ESR1: variants seen among roughly 807,000 people sequenced by gnomAD.
ESR1 encodes the protein estrogen receptor.
Under a neutral mutation model 52.7 loss-of-function variants are expected in ESR1, and 12 were observed. The ratio of observed to expected loss-of-function variants is 0.23; its 90% confidence interval spans 0.15 to 0.37. ESR1 has a LOEUF of 0.37. ESR1 is among the 10% of genes least tolerant of loss of function. The probability of loss-of-function intolerance (pLI) is 1.00; values close to 1 mark genes in which losing one functional copy is unlikely to be tolerated. For missense variants in ESR1, 584 were observed against 779.7 expected (o/e 0.75, Z 2.99); for synonymous variants, 305 against 316.8 (o/e 0.96, Z 0.39).
chr6:151,784,550 G>T (rs1292613492), intron 2 of ESR1, among the ~76,000 whole-genome samples: 2 of 152,254 alleles, frequency 1.3e-5, no homozygotes, highest in South Asian at 2.1e-4. Context: ...ATTAGTGTTT[G>T]TATTTTAAGT....
intron 1 of ESR1, among the ~76,000 whole-genome samples, chr6:151,817,943 A>G (rs553791917): frequency 9.9e-4 from 151 of 152,328 alleles, no homozygotes; most frequent in African/African-American, 3.5e-3. Flanking sequence ...ATTGCATAAA[A>G]TTTCCAGTTG....
intron 2 of ESR1, among the ~76,000 whole-genome samples, chr6:151,847,429 A>G (rs903129646): frequency 6.6e-6 from 1 of 151,512 alleles, no homozygotes; most frequent in Non-Finnish European, 1.5e-5. Flanking sequence ...AATGATTGCC[A>G]TTCTAACTGG....
chr6:152,061,806 T>C lies in ESR1; in HGVS notation c.1369+682T>C, dbSNP rs967533214. 1.3e-5 allele frequency among the ~76,000 whole-genome samples: 2 copies of C among 152,130 alleles called. No individual in the cohort carries two copies. The highest frequency in any genetic ancestry group is 2.9e-5 in the Non-Finnish European group (2 of 68,032). On this transcript the variant is annotated intron_variant, in intron 6 of 7. Transcript: ENST00000206249. The surrounding 1 kb of genome is among the most constrained non-coding windows in gnomAD (Gnocchi z 4.3). ...GTGAGGCTGGCTGTTGTATAAAGAG[T>C]TACTCTATGTCACCAAGATGGAAAC...
At chr6:152,083,128 T>C (rs1250572166) in intron 6 of ESR1, among the ~76,000 whole-genome samples, 1 of 152,096 alleles carries the variant, frequency 6.6e-6, no homozygotes, top group East Asian at 1.9e-4. Context: ...AAAGCTCACA[T>C]GGAACCAAAA....
At chr6:151,978,574 G>C (rs2039686586) in intron 4 of ESR1, among the ~76,000 whole-genome samples, 1 of 152,012 alleles carries the variant, frequency 6.6e-6, no homozygotes, top group African/African-American at 2.4e-5. Context: ...CATCTTCATG[G>C]ACTGGCAGAG....
chr6:151,867,027 T>C (rs1049903302), intron 2 of ESR1, among the ~76,000 whole-genome samples: 1 of 152,158 alleles, frequency 6.6e-6, no homozygotes. Flanking sequence ...GGATTCCCTA[T>C]TTAATAAATG....
intron 2 of ESR1, among the ~76,000 whole-genome samples, chr6:151,755,372 T>C (rs1192977785): frequency 6.6e-6 from 1 of 152,130 alleles, no homozygotes; most frequent in Non-Finnish European, 1.5e-5. Context: ...CCAAACACCA[T>C]GGGGTCATTC....
At chr6:152,003,673 G>T (rs1241645929) in intron 4 of ESR1, among the ~76,000 whole-genome samples, 7 of 152,072 alleles carry the variant, frequency 4.6e-5, no homozygotes, top group African/African-American at 1.4e-4. Context: ...CAAATTTGGT[G>T]AGAAATTTGC....
At chr6:151,927,978 C>A (rs563807291) in intron 3 of ESR1, among the ~76,000 whole-genome samples, 3 of 152,110 alleles carry the variant, frequency 2.0e-5, no homozygotes. Context: ...CCTGCCTCGG[C>A]CTCCCAAAGT....
intron 3 of ESR1, among the ~76,000 whole-genome samples, chr6:151,881,236 T>C (rs986801572): frequency 1.3e-5 from 2 of 152,202 alleles, no homozygotes; most frequent in Admixed American, 1.3e-4. Flanking sequence ...GAATGTGAAT[T>C]TCAATCAAAA....
At chr6:151,936,392 A>T (rs1404042728) in intron 3 of ESR1, among the ~76,000 whole-genome samples, 1 of 152,150 alleles carries the variant, frequency 6.6e-6, no homozygotes, top group African/African-American at 2.4e-5. Context: ...CCCACCCTCT[A>T]ATTTTTCTCA....
intron 3 of ESR1, among the ~76,000 whole-genome samples, chr6:151,898,888 A>C (rs566582800): frequency 6.6e-6 from 1 of 152,082 alleles, no homozygotes; most frequent in South Asian, 2.1e-4. Context: ...CATTGTCATC[A>C]TGGCCCGTTC....
At chr6:152,068,194 A>G (rs1279766660) in intron 6 of ESR1, among the ~76,000 whole-genome samples, 2 of 152,238 alleles carry the variant, frequency 1.3e-5, no homozygotes, top group Non-Finnish European at 2.9e-5. Flanking sequence ...AACTGTGCCA[A>G]AACCTTTGCT....
In ESR1 at chr6:151,960,185, G is replaced by A. The variant is rs138173100; in HGVS notation, c.1096+15677G>A. ...GGTTCATTGATTGCTTTGTTCATTCGGCACTTTTCACTGGACATGCTATGA... is the reference window on the plus strand; with the variant it reads ...GGTTCATTGATTGCTTTGTTCATTCAGCACTTTTCACTGGACATGCTATGA... On this transcript the variant is annotated intron_variant, in intron 4 of 7. Transcript: ENST00000206249. 7.2e-5 allele frequency among the ~76,000 whole-genome samples: 11 copies of A among 152,244 alleles called. No homozygotes were observed. In the East Asian group the frequency reaches 1.2e-3, roughly 16 times the overall value.
chr6:152,127,230 G>A (rs946184399), exon 7 of ESR1: 13 of 152,118 alleles, frequency 8.5e-5, no homozygotes, highest in South Asian at 2.1e-4. Flanking sequence ...TACGGTTAAC[G>A]GGGTAGGGTC....
Position 151,680,205 on chromosome 6 carries a change from T to TC in ESR1, n.74-21670_74-21669insC, listed in dbSNP as rs1037086502. ...GCCACCTTGCTTTTTTTCTTTTCTC[T>TC]TTTTTTTTTTTTTTTTGAGTTGGAG... On this transcript the variant is annotated intron_variant and non_coding_transcript_variant, in intron 1 of 2. Coordinates refer to the ESR1 transcript ENST00000473497. Among the ~76,000 whole-genome samples, 22 of 26,342 alleles carry TC rather than the reference T, an allele frequency of 8.4e-4. No individual in the cohort carries two copies. In the East Asian group the frequency reaches 0.017, roughly 21 times the overall value. The allele number at this position is 26,342 out of a possible 152,430, so 17.3% of individuals were successfully genotyped here. A position where few individuals can be genotyped will look rare whatever the true frequency, so the allele number is the denominator to read the frequency against.
At chr6:151,709,295 T>C (rs1427567550) in intron 2 of ESR1, among the ~76,000 whole-genome samples, 1 of 152,234 alleles carries the variant, frequency 6.6e-6, no homozygotes, top group Non-Finnish European at 1.5e-5. Context: ...ATCCGTGTTG[T>C]TGCAAATGAC....
upstream of ESR1, among the ~76,000 whole-genome samples, chr6:151,689,802 T>A (rs1778831729): frequency 6.6e-6 from 1 of 152,198 alleles, no homozygotes; most frequent in African/African-American, 2.4e-5. Context: ...TCATTTAAAG[T>A]ACCTACTGCA....
chr6:151,801,777 G>T (rs1044640705), upstream of ESR1, among the ~76,000 whole-genome samples: 2 of 152,216 alleles, frequency 1.3e-5, no homozygotes, highest in East Asian at 3.8e-4. Context: ...GTGGCCTTGG[G>T]GGTCCCATTG....
Sources: allele counts gnomAD v4.1 joint callset (sites outside exome capture counted in the v4.1 genomes callset), GRCh38; gene constraint gnomAD v4.1.1; non-coding constraint Gnocchi (gnomAD v3.1); transcripts MANE v1.5; gene names NCBI Gene and HGNC (gene_info 2026-07-23, HGNC 2026-07-21).